Variants in HMBOX1 observed in about 807,000 individuals in gnomAD.
HMBOX1 encodes the protein homeobox-containing protein 1.
A neutral mutation model predicts 54.5 loss-of-function variants in HMBOX1; 14 were observed. That is an observed-to-expected ratio of 0.26 (90% CI 0.17 to 0.40). The LOEUF is 0.40. HMBOX1 is among the 10% of genes least tolerant of loss of function. HMBOX1 has a pLI of 1.00. For synonymous variants in HMBOX1, 160 were observed against 181.0 expected, an observed-to-expected ratio of 0.88 and a Z score of 0.93; for missense variants, 332 against 514.4, an observed-to-expected ratio of 0.65 and a Z score of 3.43.
At chr8:28,933,893 TAAGG>T (rs1386233600) in intron 1 of HMBOX1, among the ~76,000 whole-genome samples, 10 of 152,274 alleles carry the variant, frequency 6.6e-5, no homozygotes, top group Admixed American at 3.9e-4. Context: ...TCCAAATATT[TAAGG>T]AAGAAATAAT....
At chr8:29,001,772 A>G (rs1302752229) in intron 4 of HMBOX1, among the ~76,000 whole-genome samples, 1 of 152,234 alleles carries the variant, frequency 6.6e-6, no homozygotes, top group East Asian at 1.9e-4. Context: ...TAACTCAATT[A>G]AAAACAAAAA....
chr8:28,919,719 A>G (rs909013242), intron 1 of HMBOX1, among the ~76,000 whole-genome samples: 14 of 152,182 alleles, frequency 9.2e-5, no homozygotes, highest in African/African-American at 3.4e-4. Flanking sequence ...CACAATACCC[A>G]CACACATTTT....
At chr8:28,991,290 C>A (rs1344860309) in intron 4 of HMBOX1, among the ~76,000 whole-genome samples, 1 of 152,152 alleles carries the variant, frequency 6.6e-6, no homozygotes, top group East Asian at 1.9e-4. Context: ...GAATATTTTT[C>A]TCTTGCCAGT....
At chr8:29,026,889 A>G (rs774209909) in intron 6 of HMBOX1, among the ~76,000 whole-genome samples, 17 of 152,214 alleles carry the variant, frequency 1.1e-4, no homozygotes, top group Admixed American at 9.2e-4. Flanking sequence ...TTAAGAGCAT[A>G]TGGGGATTAT....
chr8:28,895,546 A>G (rs1811935722), intron 1 of HMBOX1, among the ~76,000 whole-genome samples: 2 of 152,170 alleles, frequency 1.3e-5, no homozygotes, highest in South Asian at 4.2e-4. Context: ...ATGGTGGTGC[A>G]TGCCTGTAAT....
At chr8:28,991,017 A>G (rs1830907546) in intron 4 of HMBOX1, among the ~76,000 whole-genome samples, 1 of 152,146 alleles carries the variant, frequency 6.6e-6, no homozygotes, top group East Asian at 1.9e-4. Flanking sequence ...CTCATGAGAT[A>G]AGTTGGGAAG....
At chr8:28,901,568 T>C (rs888256572) in intron 1 of HMBOX1, among the ~76,000 whole-genome samples, 1 of 152,224 alleles carries the variant, frequency 6.6e-6, no homozygotes, top group Non-Finnish European at 1.5e-5. Context: ...GTTGAGATGA[T>C]TGCAGCAGTA....
At chr8:29,027,295 G>C (rs1053813491) in intron 6 of HMBOX1, among the ~76,000 whole-genome samples, 1 of 152,212 alleles carries the variant, frequency 6.6e-6, no homozygotes, top group Non-Finnish European at 1.5e-5. Context: ...CTTACGGGCT[G>C]TGAGGCAAAG....
intron 1 of HMBOX1, among the ~76,000 whole-genome samples, chr8:28,904,789 C>T (rs538755945): frequency 6.6e-6 from 1 of 152,100 alleles, no homozygotes; most frequent in Non-Finnish European, 1.5e-5. Context: ...CATTCTCCTG[C>T]CTCAGCCTTC....
intron 4 of HMBOX1, among the ~76,000 whole-genome samples, chr8:28,994,156 G>C (rs1831416277): frequency 7.4e-6 from 1 of 134,646 alleles, no homozygotes; most frequent in Admixed American, 8.1e-5. Context: ...GACAGAGCCA[G>C]ACTCTCTCAC....
At position 28,975,091 on chromosome 8, in the gene HMBOX1, A is replaced by G. The variant is rs78450973; in HGVS notation, c.500+4572A>G. ...TAAAGCTGTTTTATAAATTATCTAGATCAGGCTTTCCATTTTACAACCTTT... is the reference window on the plus strand; with the variant it reads ...TAAAGCTGTTTTATAAATTATCTAGGTCAGGCTTTCCATTTTACAACCTTT... On this transcript the variant is annotated intron_variant, in intron 3 of 9. Coordinates refer to ENST00000287701, the MANE Select transcript of HMBOX1 (RefSeq NM_001135726.3). 9.1e-4 allele frequency among the ~76,000 whole-genome samples: 139 copies of G among 152,342 alleles called. No individual in the cohort carries two copies. In the East Asian group the frequency reaches 0.021, roughly 23 times the overall value.
intron 1 of HMBOX1, among the ~76,000 whole-genome samples, chr8:28,917,445 GT>G (rs1816764740): frequency 6.6e-6 from 1 of 151,830 alleles, no homozygotes; most frequent in African/African-American, 2.4e-5. Flanking sequence ...AGTTTGAAGA[GT>G]TTTTTTTCTA....
At chr8:28,993,053 T>C (rs940399866) in intron 4 of HMBOX1, among the ~76,000 whole-genome samples, 4 of 151,914 alleles carry the variant, frequency 2.6e-5, no homozygotes, top group Non-Finnish European at 5.9e-5. Flanking sequence ...CACCTAGTTT[T>C]TTTTTTTAAC....
At chr8:28,920,407 G>A (rs943728958) in intron 1 of HMBOX1, among the ~76,000 whole-genome samples, 8 of 152,042 alleles carry the variant, frequency 5.3e-5, no homozygotes, top group African/African-American at 1.9e-4. Flanking sequence ...TTTGCCTGAA[G>A]TTTAAATATA....
chr8:28,977,143 G>T (rs926503316), intron 3 of HMBOX1, among the ~76,000 whole-genome samples: 1 of 152,160 alleles, frequency 6.6e-6, no homozygotes, highest in Non-Finnish European at 1.5e-5. Context: ...CTGCAAGGCT[G>T]TGAATAATTT....
chr8:29,006,624 GT>G (rs1411406471), intron 4 of HMBOX1, among the ~76,000 whole-genome samples: 3 of 151,974 alleles, frequency 2.0e-5, no homozygotes, highest in East Asian at 1.9e-4. Flanking sequence ...AGTTTTCTGG[GT>G]TTTTTTATGG....
At chr8:28,915,295 C>T (rs1034050076) in intron 1 of HMBOX1, among the ~76,000 whole-genome samples, 25 of 151,998 alleles carry the variant, frequency 1.6e-4, no homozygotes, top group Admixed American at 7.2e-4. Flanking sequence ...CCGTGGCTCA[C>T]GCCTGTAATC....
intron 3 of HMBOX1, among the ~76,000 whole-genome samples, chr8:28,971,338 G>T (rs185416562): frequency 1.3e-5 from 2 of 151,916 alleles, no homozygotes; most frequent in Non-Finnish European, 2.9e-5. Flanking sequence ...TGATCCACCC[G>T]CCTCGGCCTC....
rs1257446066 is a variant in HMBOX1 at position 28,902,169 on chromosome 8, G to A, written c.-58+11491G>A. 4.6e-5 allele frequency among the ~76,000 whole-genome samples: 7 copies of A among 152,140 alleles called. 1 individual carries two copies. Among genetic ancestry groups the A allele is most frequent in the Admixed American group, 4.6e-4 (7 of 15,272 alleles). ...TTTTCTGCTGACTTGCCGCTGGTAG[G>A]GGGCAGGGGTGAGGGGACTGAATTT... On this transcript the variant is annotated intron_variant, in intron 1 of 9. Transcript: ENST00000287701.
Sources: gnomAD v4.1 joint callset for allele counts (sites outside exome capture counted in the v4.1 genomes callset) on GRCh38, gnomAD v4.1.1 for gene constraint, MANE v1.5 for transcripts, NCBI Gene and HGNC (gene_info 2026-07-23, HGNC 2026-07-21) for gene names.